MTBP: variants seen among roughly 807,000 people sequenced by gnomAD.
MTBP encodes mdm2-binding protein.
MTBP carries 101 observed loss-of-function variants against 117.0 expected under a neutral mutation model. The observed-to-expected ratio is 0.86, with a 90% confidence interval of 0.73 to 1.02. The LOEUF is 1.02. Ranked by LOEUF, MTBP falls within the 50% of genes least tolerant of loss-of-function variation. MTBP has a pLI of 0.00. For synonymous variants in MTBP, 350 were observed against 351.5 expected, an observed-to-expected ratio of 1.00 and a Z score of 0.05; for missense variants, 970 against 1,030.9, an observed-to-expected ratio of 0.94 and a Z score of 0.81.
At chr8:120,483,711 T>TCAAA (rs1814147506) in intron 11 of MTBP, among the ~76,000 whole-genome samples, 1 of 152,202 alleles carries the variant, frequency 6.6e-6, no homozygotes, top group East Asian at 1.9e-4. Flanking sequence ...AATAGACACT[T>TCAAA]GGTAGTTTCT....
In MTBP at chr8:120,489,044, C is replaced by CTTTTTTTT. The variant is rs71306887; in HGVS notation, c.1339+718_1339+725dup. Among the ~76,000 whole-genome samples, 635 of 128,032 alleles carry CTTTTTTTT rather than the reference C, an allele frequency of 5.0e-3. 14 individuals carry two copies. The highest frequency in any genetic ancestry group is 0.016 in the African/African-American group (600 of 37,794). The allele number at this position is 128,032 out of a possible 152,430, so 84.0% of individuals were successfully genotyped here. A position where few individuals can be genotyped will look rare whatever the true frequency, so the allele number is the denominator to read the frequency against. ...TCATGGTGTTAGGGCAGACTGACTTCTTTTTTTTTTTTTGAGACAGAGTCT... is the reference window on the plus strand; with the variant it reads ...TCATGGTGTTAGGGCAGACTGACTTCTTTTTTTTTTTTTTTTTTTTTGAGACAGAGTCT... On this transcript the variant is annotated intron_variant, in intron 12 of 21. Transcript: ENST00000305949.
chr8:120,486,123 C>T (rs532342611), intron 11 of MTBP, among the ~76,000 whole-genome samples: 4 of 152,192 alleles, frequency 2.6e-5, no homozygotes, highest in South Asian at 2.1e-4. Flanking sequence ...ACCAAGATGA[C>T]ACTTCTTAGC....
intron 4 of MTBP, 63 bp downstream of exon 4, chr8:120,451,385 C>G (rs1813342598): frequency 7.4e-7 from 1 of 1,342,724 alleles, no homozygotes; most frequent in African/African-American, 1.5e-5. Flanking sequence ...TATTTTAATC[C>G]ATGAGAATGA....
At chr8:120,497,924 G>C (rs1363674728) in intron 14 of MTBP, among the ~76,000 whole-genome samples, 2 of 152,130 alleles carry the variant, frequency 1.3e-5, no homozygotes, top group African/African-American at 4.8e-5. Context: ...AAATTTAATA[G>C]AGGTAAAAGT....
In MTBP at chr8:120,515,830, T is replaced by A. The variant is rs556739100; in HGVS notation, c.1980-95T>A. ...AATTATTAGGAAATTAAACAAGAACTCTTAAAGTAAATGTCCTGCTATTTT... is the reference window on the plus strand; with the variant it reads ...AATTATTAGGAAATTAAACAAGAACACTTAAAGTAAATGTCCTGCTATTTT... On this transcript the variant is annotated intron_variant, in intron 17 of 21. Coordinates refer to ENST00000305949, the MANE Select transcript of MTBP (RefSeq NM_022045.5). 4.3e-6 allele frequency: 5 copies of A among 1,162,252 alleles called. No individual in the cohort carries two copies. In the South Asian group the frequency reaches 8.1e-5, roughly 19 times the overall value. 72.0% of individuals were successfully genotyped at this position (1,162,252 alleles called of 1,614,324 possible).
In MTBP at chr8:120,502,571, A is replaced by G; in HGVS notation, c.1689A>G (p.Gln563=). 1 of 1,604,362 alleles carries G rather than the reference A, an allele frequency of 6.2e-7. No individual in the cohort carries two copies. The highest frequency in any genetic ancestry group is 1.3e-5 in the African/African-American group (1 of 74,828). ...AATGGCCAGAAAGGCATGTTCTTCA[A>G]AATTTGGAAACTTTTGAAAAAACTA... ...PLEWPERHVL[Q]NLETFEKTKQ... is the part of the protein sequence containing the mutation. The change falls in exon 15 of 22, where the codon CAA becomes CAG. Residue 563 remains glutamine, a synonymous_variant. Transcript: ENST00000305949.
rs762971927 is a variant in MTBP at position 120,515,995 on chromosome 8, C to T, written c.2050C>T (p.Arg684Cys). Reference protein sequence around the residue: ...GFSELQSRLIRYETQTTCTRE... With the variant: ...GFSELQSRLICYETQTTCTRE... Reference sequence around the variant, plus strand: ...TTCTGAACTTCAGTCTCGTCTTATTCGTTATGAAACTCAAACTACCTGCAC... The same window carrying T: ...TTCTGAACTTCAGTCTCGTCTTATTTGTTATGAAACTCAAACTACCTGCAC... Residue 684 changes from arginine (R) to cysteine (C), a missense_variant, in exon 18 of 22, where the codon CGT (arginine) becomes TGT (cysteine). Transcript: ENST00000305949. 9 of 1,612,846 alleles carry T rather than the reference C, an allele frequency of 5.6e-6. No homozygotes were observed. The highest frequency in any genetic ancestry group is 3.3e-4 in the Middle Eastern group (2 of 6,078).
At position 120,495,224 on chromosome 8, in the gene MTBP, C is replaced by T. The variant is rs369082241; in HGVS notation, c.1448-2169C>T. Among the ~76,000 whole-genome samples, 101 of 152,248 alleles carry T rather than the reference C, an allele frequency of 6.6e-4. 1 individual carries two copies. The highest frequency in any genetic ancestry group is 2.3e-3 in the African/African-American group (94 of 41,544). On this transcript the variant is annotated intron_variant, in intron 13 of 21. Coordinates refer to ENST00000305949, the MANE Select transcript of MTBP (RefSeq NM_022045.5). ...ACTAATAAAATTCTAGGTTAAAAAT[C>T]ATTTTCCCTCGGAATTTCAATGATA... is the stretch of plus-strand genomic sequence containing the variant.
At chr8:120,456,145 T>C (rs1813463656) in intron 6 of MTBP, among the ~76,000 whole-genome samples, 1 of 152,086 alleles carries the variant, frequency 6.6e-6, no homozygotes. Flanking sequence ...GAAACAGGAA[T>C]GCTAACAGTC....
intron 15 of MTBP, among the ~76,000 whole-genome samples, chr8:120,503,166 A>C (rs1164285155): frequency 6.6e-6 from 1 of 152,172 alleles, no homozygotes; most frequent in Non-Finnish European, 1.5e-5. Flanking sequence ...AAATATTACA[A>C]ATCACATTTT....
At chr8:120,515,869 GA>G in intron 17 of MTBP, 55 bp from the exon 18 acceptor site, 1 of 1,479,156 alleles carries the variant, frequency 6.8e-7, no homozygotes, top group Non-Finnish European at 9.2e-7. Flanking sequence ...ATTGAAAGGG[GA>G]AAGTCTGTTG....
rs751786823 is a variant in MTBP, at chr8:120,523,322, A to C, written c.2701A>C (p.Thr901Pro). The change falls in exon 22 of 22, where the codon ACA becomes CCA. Residue 901 changes from threonine to proline, a missense_variant. Thr to Pro is a conservative substitution (Grantham distance 38). Transcript: ENST00000305949. ...VQVIDWVLEK[T>P]SKK ...GGTGATTGACTGGGTATTAGAAAAG[A>C]CAAGCAAGAAATGATACATAATCAT... 1 of 1,555,584 alleles carries C rather than the reference A, an allele frequency of 6.4e-7. No homozygotes were observed. The highest frequency in any genetic ancestry group is 8.7e-7 in the Non-Finnish European group (1 of 1,143,168).
chr8:120,447,796 C>A (rs1330136221), intron 2 of MTBP, among the ~76,000 whole-genome samples: 2 of 152,220 alleles, frequency 1.3e-5, no homozygotes, highest in Admixed American at 6.5e-5. Flanking sequence ...TTGTAAAAAC[C>A]TTACCAAGAG....
At chr8:120,496,135 GGCAACT>G (rs1814451287) in intron 13 of MTBP, among the ~76,000 whole-genome samples, 1 of 152,154 alleles carries the variant, frequency 6.6e-6, no homozygotes, top group Admixed American at 6.5e-5. Flanking sequence ...GTCAGAGCTA[GGCAACT>G]GCAGACCAAC....
chr8:120,468,604 A>G (rs1027865543), intron 10 of MTBP, among the ~76,000 whole-genome samples: 2 of 152,220 alleles, frequency 1.3e-5, no homozygotes, highest in African/African-American at 4.8e-5. Flanking sequence ...AGCCCAGTTC[A>G]TTCAACTTTT....
intron 11 of MTBP, chr8:120,473,679 A>C (rs1351205260): frequency 6.6e-6 from 1 of 152,132 alleles, no homozygotes; most frequent in Non-Finnish European, 1.5e-5. Context: ...ATACTAATAC[A>C]TGAATAAGTG....
chr8:120,488,096 A>T, intron 11 of MTBP, 63 bp from the exon 12 acceptor site: 1 of 1,328,174 alleles, frequency 7.5e-7, no homozygotes, highest in East Asian at 2.7e-5. Context: ...GATCAAATGT[A>T]TGGTTCTGTT....
intron 12 of MTBP, among the ~76,000 whole-genome samples, 163 bp downstream of exon 12, chr8:120,488,495 A>G (rs972332079): frequency 2.0e-5 from 3 of 152,234 alleles, no homozygotes; most frequent in African/African-American, 7.2e-5. Context: ...ATATTATGAC[A>G]TATTTTTACA....
At chr8:120,514,483 C>T (rs1431006647) in intron 17 of MTBP, among the ~76,000 whole-genome samples, 2 of 151,962 alleles carry the variant, frequency 1.3e-5, no homozygotes, top group Non-Finnish European at 2.9e-5. Flanking sequence ...TACCCTAGAC[C>T]AATTAAATCA....
Sources: gnomAD v4.1 joint callset for allele counts (sites outside exome capture counted in the v4.1 genomes callset) on GRCh38, gnomAD v4.1.1 for gene constraint, MANE v1.5 for transcripts, NCBI Gene and HGNC (gene_info 2026-07-23, HGNC 2026-07-21) for gene names.